The following SLC75A1 variants were observed in gnomAD, a reference collection of about 807,000 sequenced individuals.
SLC75A1 encodes the protein major facilitator superfamily domain containing 10.
the SLC75A1 span, chr4:2,930,756 G>A: frequency 2.0e-6 from 3 of 1,469,012 alleles, no homozygotes; most frequent in South Asian, 1.3e-5. Flanking sequence ...GACTGGCGGG[G>A]GGTGGGGGTC....
At chr4:2,932,710 C>A in the SLC75A1 span, 2 of 1,602,464 alleles carry the variant, frequency 1.2e-6, no homozygotes, top group Non-Finnish European at 1.7e-6. Context: ...AGGAAGGCCG[C>A]AAAGCTCCGA....
chr4:2,934,052 G>A, the SLC75A1 span: 4 of 1,050,246 alleles, frequency 3.8e-6, no homozygotes, highest in East Asian at 2.6e-5. Flanking sequence ...CTGATGGCAG[G>A]GGCTCTGGCC....
the SLC75A1 span, chr4:2,932,414 G>A: frequency 3.3e-5 from 54 of 1,613,716 alleles, no homozygotes; most frequent in East Asian, 6.2e-4. Context: ...CGGAGGCTGC[G>A]AAGAGCAGGG....
the SLC75A1 span, chr4:2,932,722 A>G: frequency 1.3e-6 from 2 of 1,595,184 alleles, no homozygotes; most frequent in Non-Finnish European, 1.7e-6. Flanking sequence ...AAGCTCCGAG[A>G]GGTGGCCCAG....
At chr4:2,930,753 G>C in the SLC75A1 span, 2 of 1,447,500 alleles carry the variant, frequency 1.4e-6, no homozygotes, top group Non-Finnish European at 1.9e-6. Context: ...CTGGACTGGC[G>C]GGGGGTGGGG....
chr4:2,930,754 G>A, the SLC75A1 span: 5 of 1,462,328 alleles, frequency 3.4e-6, no homozygotes, highest in Non-Finnish European at 4.6e-6. Context: ...TGGACTGGCG[G>A]GGGGTGGGGG....
At chr4:2,932,702 G>C in the SLC75A1 span, 2 of 1,605,866 alleles carry the variant, frequency 1.2e-6, no homozygotes, top group Non-Finnish European at 1.7e-6. Flanking sequence ...TGGAGGCCAG[G>C]AAGGCCGCAA....
the SLC75A1 span, chr4:2,933,350 AG>A: frequency 3.1e-6 from 3 of 967,370 alleles, no homozygotes; most frequent in Non-Finnish European, 4.7e-6. Context: ...CCTTGAGCCG[AG>A]GGGGCCCCAA....
the SLC75A1 span, chr4:2,933,074 T>A: frequency 1.9e-6 from 3 of 1,602,906 alleles, no homozygotes; most frequent in Non-Finnish European, 2.6e-6. Flanking sequence ...GGGAGGAGGC[T>A]TCCCCATGGG....
the SLC75A1 span, chr4:2,931,052 C>T: frequency 3.1e-5 from 50 of 1,608,140 alleles, 1 homozygote; most frequent in Middle Eastern, 1.7e-4. Flanking sequence ...CACCATCCCG[C>T]GCCCTCACCT....
At chr4:2,930,718 G>GC in the SLC75A1 span, 1 of 1,147,110 alleles carries the variant, frequency 8.7e-7, no homozygotes, top group Admixed American at 2.7e-5. Context: ...CTGCTTAGGG[G>GC]CCGGCCCCCA....
chr4:2,933,007 AG>A, the SLC75A1 span: 1 of 1,219,316 alleles, frequency 8.2e-7, no homozygotes, highest in Non-Finnish European at 1.2e-6. Flanking sequence ...AGTGGCCATG[AG>A]GGGCCCACAG....
the SLC75A1 span, chr4:2,932,028 G>T: frequency 1.2e-6 from 2 of 1,609,882 alleles, no homozygotes; most frequent in Non-Finnish European, 8.5e-7. Flanking sequence ...CCACGCTTGG[G>T]TTGGTCGAGT....
the SLC75A1 span, chr4:2,931,439 G>A: frequency 1.9e-6 from 3 of 1,561,516 alleles, no homozygotes; most frequent in Admixed American, 3.9e-5. Context: ...CGATGAGGAG[G>A]AAGGCGGGCA....
the SLC75A1 span, chr4:2,932,410 C>T: frequency 1.2e-6 from 2 of 1,613,656 alleles, no homozygotes; most frequent in South Asian, 2.2e-5. Flanking sequence ...AGGTCGGAGG[C>T]TGCGAAGAGC....
chr4:2,933,694 G>A, the SLC75A1 span: 1 of 1,612,134 alleles, frequency 6.2e-7, no homozygotes, highest in Non-Finnish European at 8.5e-7. Flanking sequence ...ATAAGGGCTG[G>A]GGAGGTCTGA....
At chr4:2,932,567 C>T in the SLC75A1 span, 1 of 1,612,384 alleles carries the variant, frequency 6.2e-7, no homozygotes, top group Non-Finnish European at 8.5e-7. Context: ...GAAGTCACCA[C>T]CAGGACCCCA....
chr4:2,933,182 A>C, the SLC75A1 span: 4 of 1,613,536 alleles, frequency 2.5e-6, no homozygotes, highest in Admixed American at 1.7e-5. Flanking sequence ...CAGAAACTGC[A>C]GGACAGAGAA....
At chr4:2,934,212 C>A in the SLC75A1 span, 3 of 429,766 alleles carry the variant, frequency 7.0e-6, no homozygotes, top group Non-Finnish European at 1.3e-5. Flanking sequence ...CCTGGCCCCA[C>A]CCCACCCCAC....
Sources: allele counts gnomAD v4.1 joint callset, GRCh38; gene constraint gnomAD v4.1.1; transcripts MANE v1.5; gene names NCBI Gene and HGNC (gene_info 2026-07-23, HGNC 2026-07-21).